ANKRD28: variants seen among roughly 807,000 people sequenced by gnomAD.
The protein encoded by ANKRD28 is serine/threonine-protein phosphatase 6 regulatory ankyrin repeat subunit A.
Under a neutral mutation model 126.5 loss-of-function variants are expected in ANKRD28, and 44 were observed. The observed-to-expected ratio is 0.35, with a 90% CI of 0.27 to 0.45. The LOEUF is 0.45. Among genes scored for constraint, ANKRD28 ranks in the 20% least tolerant of loss-of-function variants. The pLI is 1.00. For synonymous variants in ANKRD28, 442 were observed against 468.5 expected (o/e 0.94, Z 0.73); for missense variants, 1,110 against 1,316.6 (o/e 0.84, Z 2.43).
chr3:15,772,607 G>A (rs1295273089), intron 2 of ANKRD28, among the ~76,000 whole-genome samples: 1 of 152,116 alleles, frequency 6.6e-6, no homozygotes, highest in Non-Finnish European at 1.5e-5. Context: ...CATATTAGCA[G>A]ACTAATAAAA....
rs2072393113 is a variant in ANKRD28 at position 15,712,213 on chromosome 3, T to A, written c.1200A>T (p.Ile400=). 2.5e-6 allele frequency: 4 copies of A among 1,579,812 alleles called. No homozygotes were observed. In the African/African-American group the frequency reaches 5.4e-5, roughly 21 times the overall value. ...TSGADTAKRG[I]HGMFPLHLAA... ...CCAAATGGAGGGGGAACATTCCATGTATGCCACGCCTAAAGTTAATAGAAC... is the reference window on the plus strand; with the variant it reads ...CCAAATGGAGGGGGAACATTCCATGAATGCCACGCCTAAAGTTAATAGAAC... Residue 400 remains isoleucine, a synonymous_variant, in exon 11 of 28, where the codon ATA becomes ATT. Coordinates refer to ENST00000683139, the MANE Select transcript of ANKRD28 (RefSeq NM_001349278.2).
At chr3:15,671,108 T>C (rs1228063853) in intron 27 of ANKRD28, among the ~76,000 whole-genome samples, 2 of 152,234 alleles carry the variant, frequency 1.3e-5, no homozygotes, top group East Asian at 3.8e-4. Flanking sequence ...ACTTTTCTCT[T>C]GGGGTCACAG....
At chr3:15,686,742 A>AT (rs1391012091) in intron 18 of ANKRD28, among the ~76,000 whole-genome samples, 2 of 152,226 alleles carry the variant, frequency 1.3e-5, no homozygotes, top group Non-Finnish European at 2.9e-5. Context: ...TGAGATGCCG[A>AT]TAAGTCTAGA....
At chr3:15,717,291 T>G (rs957294958) in intron 8 of ANKRD28, among the ~76,000 whole-genome samples, 22 of 152,128 alleles carry the variant, frequency 1.4e-4, no homozygotes, top group African/African-American at 5.1e-4. Context: ...AATCCTTTAT[T>G]ATAAGCCTAT....
At chr3:15,736,747 T>C (rs544030845) in intron 5 of ANKRD28, among the ~76,000 whole-genome samples, 1 of 152,238 alleles carries the variant, frequency 6.6e-6, no homozygotes, top group East Asian at 1.9e-4. Flanking sequence ...CAATAACATA[T>C]CTCTGTCTTC....
chr3:15,741,517 G>A (rs142496093), intron 4 of ANKRD28, among the ~76,000 whole-genome samples: 14 of 152,020 alleles, frequency 9.2e-5, no homozygotes, highest in Non-Finnish European at 1.9e-4. Flanking sequence ...AAATGCTGCT[G>A]GTGTGTCTTG....
At chr3:15,827,120 T>A (rs1232779186) in intron 1 of ANKRD28, among the ~76,000 whole-genome samples, 1 of 152,152 alleles carries the variant, frequency 6.6e-6, no homozygotes, top group Non-Finnish European at 1.5e-5. Flanking sequence ...GAAAGGTAAG[T>A]GCTGGCAAAG....
chr3:15,783,526 GA>G (rs908006361), intron 2 of ANKRD28, among the ~76,000 whole-genome samples: 19 of 150,052 alleles, frequency 1.3e-4, no homozygotes, highest in South Asian at 1.3e-3. Context: ...TTACACAAGA[GA>G]AAAAAAAAGC....
intron 2 of ANKRD28, among the ~76,000 whole-genome samples, chr3:15,793,341 C>T (rs1311588567): frequency 1.3e-5 from 2 of 152,028 alleles, no homozygotes; most frequent in Non-Finnish European, 1.5e-5. Context: ...GAAAGGGTCA[C>T]GAGAGAAAAG....
chr3:15,728,386 T>G (rs1012119343), intron 6 of ANKRD28, among the ~76,000 whole-genome samples: 12 of 152,182 alleles, frequency 7.9e-5, no homozygotes, highest in Admixed American at 7.2e-4. Context: ...CTCAAACTCC[T>G]AGATTCAGGT....
intron 21 of ANKRD28, chr3:15,683,938 C>G (rs1037747848): frequency 6.6e-6 from 1 of 152,096 alleles, no homozygotes; most frequent in South Asian, 2.1e-4. Context: ...TTATTTTTAG[C>G]AAATGGGTAT....
chr3:15,772,989 C>T (rs2125617932), intron 2 of ANKRD28, among the ~76,000 whole-genome samples: 1 of 151,872 alleles, frequency 6.6e-6, no homozygotes, highest in South Asian at 2.1e-4. Context: ...AGGAATGAGG[C>T]AAAAATGTCT....
chr3:15,689,924 T>G (rs544369578), intron 18 of ANKRD28, 95 bp downstream of exon 18: 1 of 1,230,424 alleles, frequency 8.1e-7, no homozygotes, highest in South Asian at 1.7e-5. Flanking sequence ...AGGTCAAAAT[T>G]TTAAAGACAA....
chr3:15,767,161 A>G (rs112991865), intron 2 of ANKRD28, among the ~76,000 whole-genome samples: 690 of 152,270 alleles, frequency 4.5e-3, no homozygotes, highest in South Asian at 6.2e-3. Context: ...GCTACCTCTA[A>G]TGCATGCTTC....
chr3:15,722,526 G>T (rs894778386), intron 7 of ANKRD28, among the ~76,000 whole-genome samples: 3 of 152,126 alleles, frequency 2.0e-5, no homozygotes, highest in African/African-American at 7.2e-5. Context: ...AGCTTTTAAT[G>T]AATTTTGTGA....
chr3:15,806,002 A>G (rs983824090), intron 1 of ANKRD28, among the ~76,000 whole-genome samples: 1 of 152,188 alleles, frequency 6.6e-6, no homozygotes, highest in Non-Finnish European at 1.5e-5. Context: ...ACCATATTGG[A>G]GACAAAAATA....
intron 3 of ANKRD28, among the ~76,000 whole-genome samples, chr3:15,765,572 T>G (rs1363336953): frequency 1.3e-5 from 2 of 152,136 alleles, no homozygotes; most frequent in Non-Finnish European, 2.9e-5. Context: ...GCGGGCATGG[T>G]GGCTCACTCC....
chr3:15,730,360 G>A (rs1353568102), intron 6 of ANKRD28, among the ~76,000 whole-genome samples: 2 of 152,170 alleles, frequency 1.3e-5, no homozygotes, highest in South Asian at 2.1e-4. Context: ...AGATGAGGTG[G>A]GGCGCTAGGG....
At chr3:15,736,948 T>A in intron 5 of ANKRD28, 85 bp downstream of exon 5, 1 of 1,383,960 alleles carries the variant, frequency 7.2e-7, no homozygotes, top group South Asian at 1.2e-5. Flanking sequence ...CTGTATGCCT[T>A]TACTATGCAA....
Sources: allele counts gnomAD v4.1 joint callset (sites outside exome capture counted in the v4.1 genomes callset), GRCh38; gene constraint gnomAD v4.1.1; transcripts MANE v1.5; gene names NCBI Gene and HGNC (gene_info 2026-07-23, HGNC 2026-07-21).